ARNT: variants seen among roughly 807,000 people sequenced by gnomAD.
ARNT encodes aryl hydrocarbon receptor nuclear translocator.
ARNT carries 30 observed loss-of-function variants against 105.0 expected under a neutral mutation model. The observed-to-expected ratio is 0.29, with a 90% CI of 0.21 to 0.39. The LOEUF is 0.39. ARNT is among the 10% of genes least tolerant of loss of function. The pLI is 1.00. For missense variants in ARNT, 748 were observed against 978.7 expected (o/e 0.76, Z 3.15); for synonymous variants, 304 against 344.0 (o/e 0.88, Z 1.29).
rs747942817 is a variant in ARNT at position 150,839,670 on chromosome 1, G to T, written c.273-16C>A. 2.5e-6 allele frequency: 4 copies of T among 1,607,656 alleles called. No individual in the cohort carries two copies. The Admixed American group carries it at 6.8e-5, about 27-fold the overall frequency. ...GTGATTTTCCCTGCATGGAAAGAAA[G>T]AGAAGCCCCATCCAGGTGGTCACAT... is the stretch of plus-strand genomic sequence containing the variant. On this transcript the variant is annotated splice_polypyrimidine_tract_variant and intron_variant, in intron 5 of 21. Transcript: ENST00000358595.
chr1:150,872,943 C>T (rs12057757), intron 1 of ARNT, among the ~76,000 whole-genome samples: 24 of 151,978 alleles, frequency 1.6e-4, no homozygotes, highest in African/African-American at 5.6e-4. Flanking sequence ...GCCTCAGTGA[C>T]AGAGCAAGAC....
intron 12 of ARNT, among the ~76,000 whole-genome samples, chr1:150,827,097 G>A (rs1658444602): frequency 2.0e-5 from 3 of 151,630 alleles, no homozygotes; most frequent in African/African-American, 7.3e-5. Context: ...ACTAAAAAAA[G>A]GCAGAATCTG....
At chr1:150,865,799 C>G (rs996840749) in intron 1 of ARNT, among the ~76,000 whole-genome samples, 11 of 152,148 alleles carry the variant, frequency 7.2e-5, no homozygotes, top group Non-Finnish European at 1.6e-4. Flanking sequence ...CGTATCTCCA[C>G]TTTCTTGGTT....
In ARNT at chr1:150,816,320, T is replaced by A. The variant is rs374089243; in HGVS notation, c.1889A>T (p.Asn630Ile). 2.5e-6 allele frequency: 4 copies of A among 1,606,976 alleles called. No individual in the cohort carries two copies. Among genetic ancestry groups the A allele is most frequent in the Admixed American group, 1.7e-5 (1 of 57,716 alleles). Residue 630 changes from asparagine to isoleucine, a missense_variant, in exon 19 of 22, where the codon AAC becomes ATC. Coordinates refer to ENST00000358595, the MANE Select transcript of ARNT (RefSeq NM_001668.4). ...QMLAQISRHSNPTQGATPTWT... is the reference protein window; with the variant it reads ...QMLAQISRHSIPTQGATPTWT... ...AGTTGGGGTTGCTCCTTGGGTGGGG[T>A]TGGAGTGGCGGGAAATCTGGGCCAA...
At chr1:150,823,780 G>C (rs1657611341) in intron 13 of ARNT, among the ~76,000 whole-genome samples, 1 of 150,540 alleles carries the variant, frequency 6.6e-6, no homozygotes, top group African/African-American at 2.4e-5. Context: ...TTGATCTCCT[G>C]ACCTTGTGAT....
chr1:150,868,336 G>C (rs1055593879), intron 1 of ARNT, among the ~76,000 whole-genome samples: 3 of 151,996 alleles, frequency 2.0e-5, no homozygotes, highest in Admixed American at 1.3e-4. Flanking sequence ...AGCCTCAAGG[G>C]TGAGAAGAGA....
In ARNT at chr1:150,816,798, C is replaced by G; in HGVS notation, c.1792G>C (p.Glu598Gln). Residue 598 changes from glutamate (E) to glutamine (Q), a missense_variant, in exon 18 of 22, where the codon GAG becomes CAG. Glu to Gln is a conservative substitution (Grantham distance 29, BLOSUM62 2). Transcript: ENST00000358595. Reference sequence around the variant, plus strand: ...ATATACGGGGCTCACCTGAAATTCTCTGCCGGCCGGGGGGTAGGAGGGAAT... The same window carrying G: ...ATATACGGGGCTCACCTGAAATTCTGTGCCGGCCGGGGGGTAGGAGGGAAT... ...NTFPPTPRPA[E>Q]NFRNSGLAPP... 6.3e-7 allele frequency: 1 copy of G among 1,580,784 alleles called. No individual in the cohort carries two copies. Among genetic ancestry groups the G allele is most frequent in the African/African-American group, 1.4e-5 (1 of 72,502 alleles).
intron 2 of ARNT, among the ~76,000 whole-genome samples, chr1:150,854,716 G>T (rs1326722817): frequency 6.6e-6 from 1 of 151,862 alleles, no homozygotes; most frequent in Non-Finnish European, 1.5e-5. Context: ...AATTAGCTGG[G>T]TGTGGTGGCG....
chr1:150,864,660 C>A (rs1666225229), intron 1 of ARNT, among the ~76,000 whole-genome samples: 1 of 146,420 alleles, frequency 6.8e-6, no homozygotes. Flanking sequence ...ATACCTAATG[C>A]TAGATGACCA....
chr1:150,824,031 C>T (rs777832880), intron 13 of ARNT, among the ~76,000 whole-genome samples: 9 of 151,046 alleles, frequency 6.0e-5, no homozygotes, highest in Admixed American at 2.0e-4. Flanking sequence ...TTAGTATAGA[C>T]GGGGTTTCAC....
At chr1:150,873,445 T>C (rs587725251) in intron 1 of ARNT, among the ~76,000 whole-genome samples, 41 of 152,118 alleles carry the variant, frequency 2.7e-4, no homozygotes, top group African/African-American at 9.4e-4. Context: ...GAATTATCAA[T>C]TCGAGAAAAA....
At chr1:150,872,941 G>A (rs1667681269) in intron 1 of ARNT, among the ~76,000 whole-genome samples, 1 of 151,998 alleles carries the variant, frequency 6.6e-6, no homozygotes, top group Non-Finnish European at 1.5e-5. Flanking sequence ...CAGCCTCAGT[G>A]ACAGAGCAAG....
At chr1:150,824,045 G>A (rs2101727176) in intron 13 of ARNT, among the ~76,000 whole-genome samples, 1 of 151,158 alleles carries the variant, frequency 6.6e-6, no homozygotes, top group Non-Finnish European at 1.5e-5. Flanking sequence ...GTTTCACCAT[G>A]TTGGCCAGGA....
intron 4 of ARNT, among the ~76,000 whole-genome samples, chr1:150,843,850 T>C (rs1472472573): frequency 6.6e-6 from 1 of 152,202 alleles, no homozygotes; most frequent in Non-Finnish European, 1.5e-5. Context: ...CCAAGGAGGA[T>C]ATGTGAGGGG....
intron 2 of ARNT, 113 bp from the exon 3 acceptor site, chr1:150,852,919 A>G: frequency 7.6e-7 from 1 of 1,310,560 alleles, no homozygotes; most frequent in Non-Finnish European, 1.1e-6. Context: ...AAGAATGGAA[A>G]GAGGAAGTGG....
At chr1:150,840,951 T>C (rs1661177805) in intron 5 of ARNT, among the ~76,000 whole-genome samples, 1 of 143,128 alleles carries the variant, frequency 7.0e-6, no homozygotes, top group African/African-American at 2.6e-5. Context: ...TCTTCTTTTT[T>C]TTTTTTTTTT....
At chr1:150,815,600 C>A (rs1655677112) in intron 19 of ARNT, among the ~76,000 whole-genome samples, 1 of 151,156 alleles carries the variant, frequency 6.6e-6, no homozygotes, top group South Asian at 2.1e-4. Flanking sequence ...TGGCTCACGC[C>A]TGTAATCCCA....
chr1:150,840,571 T>C (rs1211232857), intron 5 of ARNT, among the ~76,000 whole-genome samples: 2 of 152,368 alleles, frequency 1.3e-5, no homozygotes, highest in African/African-American at 4.8e-5. Context: ...CTACCTTCTT[T>C]ATCTGGGTGT....
chr1:150,842,893 C>G (rs1188995230), intron 4 of ARNT, among the ~76,000 whole-genome samples: 1 of 152,076 alleles, frequency 6.6e-6, no homozygotes, highest in Non-Finnish European at 1.5e-5. Flanking sequence ...TGCTCCCAAT[C>G]TGGAAAGAAA....
Sources: allele counts gnomAD v4.1 joint callset (sites outside exome capture counted in the v4.1 genomes callset), GRCh38; gene constraint gnomAD v4.1.1; transcripts MANE v1.5; gene names NCBI Gene and HGNC (gene_info 2026-07-23, HGNC 2026-07-21).